Variants in PLCB1 observed in about 807,000 individuals in gnomAD.
The protein encoded by PLCB1 is 1-phosphatidylinositol 4,5-bisphosphate phosphodiesterase beta-1.
Under a neutral mutation model 161.8 loss-of-function variants are expected in PLCB1, and 46 were observed. The observed-to-expected ratio is 0.28, with a 90% CI of 0.22 to 0.36. The LOEUF (loss-of-function observed/expected upper bound fraction) is 0.36, where lower values mean the gene tolerates loss of function less well. Ranked by LOEUF, PLCB1 falls within the 10% of genes least tolerant of loss-of-function variation. The pLI, the probability that PLCB1 is intolerant of heterozygous loss-of-function variation, is 1.00. For synonymous variants in PLCB1, 517 were observed against 503.7 expected (o/e 1.03, Z -0.35); for missense variants, 1,016 against 1,472.5 (o/e 0.69, Z 5.07).
intron 2 of PLCB1, among the ~76,000 whole-genome samples, chr20:8,161,625 T>C (rs937177270): frequency 1.3e-5 from 2 of 152,196 alleles, no homozygotes; most frequent in African/African-American, 2.4e-5. Flanking sequence ...GTAGGCCTAG[T>C]ACATTTGCTA....
At chr20:8,234,278 G>A (rs1309576925) in intron 2 of PLCB1, among the ~76,000 whole-genome samples, 1 of 152,096 alleles carries the variant, frequency 6.6e-6, no homozygotes, top group Non-Finnish European at 1.5e-5. Flanking sequence ...GCATGCAGGA[G>A]TTAACCAGAA....
intron 3 of PLCB1, among the ~76,000 whole-genome samples, chr20:8,553,676 C>T (rs1395457092): frequency 6.6e-6 from 1 of 151,974 alleles, no homozygotes; most frequent in South Asian, 2.1e-4. Flanking sequence ...CAAATGAATA[C>T]AGAAAAACAT....
At chr20:8,491,643 T>C (rs1328450791) in intron 3 of PLCB1, among the ~76,000 whole-genome samples, 1 of 152,182 alleles carries the variant, frequency 6.6e-6, no homozygotes, top group African/African-American at 2.4e-5. Context: ...CTCACTGGGA[T>C]CCTGTACAGA....
chr20:8,637,042 A>AG (rs1040924973), intron 4 of PLCB1, among the ~76,000 whole-genome samples: 4 of 152,060 alleles, frequency 2.6e-5, no homozygotes, highest in Non-Finnish European at 5.9e-5. Context: ...AAAAAAAAAA[A>AG]AAAAATCACC....
intron 9 of PLCB1, among the ~76,000 whole-genome samples, chr20:8,661,945 A>G (rs935812950): frequency 6.4e-5 from 2 of 31,360 alleles, no homozygotes; most frequent in Non-Finnish European, 1.6e-4. Context: ...AAAAGTGTAT[A>G]TATATATAAT....
rs141810686 is a variant in PLCB1, at chr20:8,706,632, A to T, written c.1168-2038A>T. The stretch of plus-strand genomic sequence containing the variant: ...CACATCCTTGATGACCTCTATTCTC[A>T]GTTCTTTTGAGGGCTTTGCTCTTAG... On this transcript the variant is annotated intron_variant, in intron 11 of 31. Transcript: ENST00000338037. 2.1e-3 allele frequency among the ~76,000 whole-genome samples: 327 copies of T among 152,190 alleles called. 1 individual carries two copies. Among genetic ancestry groups the T allele is most frequent in the African/African-American group, 7.7e-3 (319 of 41,512 alleles).
chr20:8,593,685 G>A (rs1168676824), intron 3 of PLCB1, among the ~76,000 whole-genome samples: 1 of 151,694 alleles, frequency 6.6e-6, no homozygotes, highest in Non-Finnish European at 1.5e-5. Context: ...TGAGGGAGGT[G>A]TCTTTATAAG....
chr20:8,676,308 G>C (rs531866272), intron 9 of PLCB1, among the ~76,000 whole-genome samples: 1 of 152,054 alleles, frequency 6.6e-6, no homozygotes, highest in South Asian at 2.1e-4. Context: ...TTGCAGTGAG[G>C]CAAGATAACA....
At chr20:8,250,704 C>T (rs1390302418) in intron 2 of PLCB1, among the ~76,000 whole-genome samples, 2 of 151,900 alleles carry the variant, frequency 1.3e-5, no homozygotes, top group East Asian at 3.9e-4. Context: ...ATTTATTAAG[C>T]CCCAACAATA....
At chr20:8,385,752 G>T (rs540529344) in intron 3 of PLCB1, among the ~76,000 whole-genome samples, 240 of 152,346 alleles carry the variant, frequency 1.6e-3, no homozygotes, top group South Asian at 5.2e-3. Context: ...CCTTGGCTGG[G>T]GGGTGAGGGC....
At chr20:8,632,035 CTTTTTTTTTTTT>C (rs34028351) in intron 4 of PLCB1, among the ~76,000 whole-genome samples, 90 of 45,986 alleles carry the variant, frequency 2.0e-3, no homozygotes, top group East Asian at 2.3e-3. Context: ...GTTTTTTTTG[CTTTTTTTTTTTT>C]TTTTTTTTTT....
intron 2 of PLCB1, among the ~76,000 whole-genome samples, chr20:8,165,058 A>G (rs2051661876): frequency 6.6e-6 from 1 of 152,168 alleles, no homozygotes. Context: ...TAACTCTGTC[A>G]GTGGCTATCA....
At chr20:8,387,621 C>G (rs1474164092) in intron 3 of PLCB1, among the ~76,000 whole-genome samples, 1 of 152,178 alleles carries the variant, frequency 6.6e-6, no homozygotes, top group Admixed American at 6.5e-5. Context: ...ATGGCACCAA[C>G]AGACTTGCTG....
chr20:8,357,522 A>G (rs553001886), intron 2 of PLCB1, among the ~76,000 whole-genome samples: 1 of 152,232 alleles, frequency 6.6e-6, no homozygotes, highest in East Asian at 1.9e-4. Context: ...GAAGCATAAA[A>G]ATAAGAATGT....
intron 31 of PLCB1, chr20:8,792,560 A>G (rs535017806): frequency 2.3e-5 from 11 of 471,104 alleles, no homozygotes; most frequent in African/African-American, 1.8e-4. Flanking sequence ...TAGTAGTTCT[A>G]TTGTCTGCGT....
At chr20:8,668,505 C>T (rs1158096739) in intron 9 of PLCB1, among the ~76,000 whole-genome samples, 3 of 152,100 alleles carry the variant, frequency 2.0e-5, no homozygotes. Flanking sequence ...GGCTATATGT[C>T]TTTGTTGAGG....
intron 7 of PLCB1, 108 bp from the exon 8 acceptor site, chr20:8,657,076 A>G: frequency 1.4e-6 from 1 of 695,238 alleles, no homozygotes; most frequent in Non-Finnish European, 2.6e-6. Context: ...AGGTGAGGGA[A>G]GGGGGGAAGA....
intron 2 of PLCB1, among the ~76,000 whole-genome samples, chr20:8,334,048 A>T (rs1985467785): frequency 6.6e-6 from 1 of 152,146 alleles, no homozygotes; most frequent in African/African-American, 2.4e-5. Context: ...CATCTCTACT[A>T]AAAATACAAA....
At chr20:8,728,111 T>G (rs6086568) in intron 17 of PLCB1, among the ~76,000 whole-genome samples, 34,190 of 152,026 alleles carry the variant, frequency 0.22, 3,861 homozygotes, top group Middle Eastern at 0.36. Context: ...TAGAAAATTA[T>G]CATCGTTAGT....
Sources: gnomAD v4.1 joint callset for allele counts (sites outside exome capture counted in the v4.1 genomes callset) on GRCh38, gnomAD v4.1.1 for gene constraint, MANE v1.5 for transcripts, NCBI Gene and HGNC (gene_info 2026-07-23, HGNC 2026-07-21) for gene names.